Variants in PCDHGA12 observed in about 807,000 individuals in gnomAD.
PCDHGA12 encodes protocadherin gamma subfamily A, 12, also known as protocadherin gamma-A12.
Under a neutral mutation model 61.1 loss-of-function variants are expected in PCDHGA12, and 43 were observed. That is an observed-to-expected ratio of 0.70 (90% CI 0.55 to 0.91). The LOEUF (loss-of-function observed/expected upper bound fraction) is 0.91. PCDHGA12 is among the 40% of genes least tolerant of loss of function. The pLI is 0.00. For missense variants in PCDHGA12, 1,236 were observed against 1,227.7 expected (o/e 1.01, Z -0.10); for synonymous variants, 520 against 542.9 (o/e 0.96, Z 0.59).
chr5:141,469,505 G>T (rs2099202987), intron 1 of PCDHGA12, among the ~76,000 whole-genome samples: 1 of 152,138 alleles, frequency 6.6e-6, no homozygotes. Flanking sequence ...AACCCGGGAG[G>T]TGGAGGTTGC....
intron 1 of PCDHGA12, chr5:141,492,023 C>T: frequency 1.8e-6 from 1 of 564,804 alleles, no homozygotes; most frequent in Non-Finnish European, 3.0e-6. Context: ...TCGGGGGTCC[C>T]GGGAGGAGGC....
rs142329128 is a variant in PCDHGA12, at chr5:141,439,495, C to T, written c.2424+6312C>T. Among the ~76,000 whole-genome samples the T allele has an allele frequency of 9.7e-4, 147 of 152,324 alleles. 1 individual carries two copies. The highest frequency in any genetic ancestry group is 3.4e-3 in the African/African-American group (140 of 41,568). ...TCAGCTTGCAAATTCCAGTGAGAAACGTCTTTCTCTCTGCTCTCAACTAAC... is the reference window on the plus strand; with the variant it reads ...TCAGCTTGCAAATTCCAGTGAGAAATGTCTTTCTCTCTGCTCTCAACTAAC... On this transcript the variant is annotated intron_variant, in intron 1 of 3. Coordinates refer to ENST00000252085, the MANE Select transcript of PCDHGA12 (RefSeq NM_003735.3).
intron 2 of PCDHGA12, among the ~76,000 whole-genome samples, chr5:141,499,576 G>C (rs2099792836): frequency 1.3e-5 from 2 of 151,790 alleles, no homozygotes; most frequent in Non-Finnish European, 2.9e-5. Context: ...TTCAACTAAT[G>C]CCTTATCTTG....
At chr5:141,505,341 A>G in intron 2 of PCDHGA12, 52 bp from the exon 3 acceptor site, 3 of 1,612,728 alleles carry the variant, frequency 1.9e-6, no homozygotes, top group Non-Finnish European at 2.5e-6. Context: ...CAGGAGGGGC[A>G]TGAGCTGTGC....
At chr5:141,463,834 A>G (rs1212299231) in intron 1 of PCDHGA12, among the ~76,000 whole-genome samples, 4 of 152,108 alleles carry the variant, frequency 2.6e-5, no homozygotes, top group East Asian at 1.9e-4. Flanking sequence ...TCCACTTCCC[A>G]GTTGTTATAG....
chr5:141,483,255 GTTTT>G (rs147039946), intron 1 of PCDHGA12, among the ~76,000 whole-genome samples: 7,425 of 152,114 alleles, frequency 0.049, 355 homozygotes, highest in African/African-American at 0.13. Context: ...ATATCATGAG[GTTTT>G]TTTGTTTTAG....
At position 141,487,147 on chromosome 5, in the gene PCDHGA12, T is replaced by C; in HGVS notation, c.2425-7660T>C. 1 of 1,614,122 alleles carries C rather than the reference T, an allele frequency of 6.2e-7. No individual in the cohort carries two copies. Among genetic ancestry groups the C allele is most frequent in the Non-Finnish European group, 8.5e-7 (1 of 1,179,952 alleles). On this transcript the variant is annotated intron_variant, in intron 1 of 3. Transcript: ENST00000252085. This position sits in a 1 kb window ranked among gnomAD's most constrained non-coding sequence, Gnocchi z 5.0. ...GTGGTAGTCCACCACTCTCTACCTC[T>C]GTTACTCTCTTAGTGTCCTTAGAGG...
intron 1 of PCDHGA12, chr5:141,441,910 G>A: frequency 2.9e-6 from 1 of 349,440 alleles, no homozygotes; most frequent in Non-Finnish European, 5.5e-6. Flanking sequence ...AGACGCAGAT[G>A]TGAGACACAA....
At chr5:141,498,372 C>A (rs1008996197) in intron 2 of PCDHGA12, among the ~76,000 whole-genome samples, 3 of 151,730 alleles carry the variant, frequency 2.0e-5, no homozygotes, top group Admixed American at 1.3e-4. Flanking sequence ...GTGGTGAGGC[C>A]TCCTGGGATC....
At chr5:141,439,531 G>A (rs1474855779) in intron 1 of PCDHGA12, among the ~76,000 whole-genome samples, 5 of 152,126 alleles carry the variant, frequency 3.3e-5, no homozygotes, top group Admixed American at 3.3e-4. Flanking sequence ...TCTACAGAAC[G>A]CTGTCCTCTC....
chr5:141,451,797 C>T (rs1207473455), intron 1 of PCDHGA12, among the ~76,000 whole-genome samples: 1 of 152,006 alleles, frequency 6.6e-6, no homozygotes, highest in African/African-American at 2.4e-5. Context: ...CAGAGAATTG[C>T]TTGAACCCAG....
chr5:141,437,715 C>T (rs2097903335), intron 1 of PCDHGA12, among the ~76,000 whole-genome samples: 1 of 151,772 alleles, frequency 6.6e-6, no homozygotes, highest in Non-Finnish European at 1.5e-5. Context: ...ACACAGTTAC[C>T]CTCTAATGTT....
intron 1 of PCDHGA12, among the ~76,000 whole-genome samples, chr5:141,461,764 C>T (rs1005862192): frequency 6.6e-6 from 1 of 152,118 alleles, no homozygotes; most frequent in East Asian, 1.9e-4. Context: ...AGCGATTCTC[C>T]TGCCTCAGCC....
chr5:141,465,454 T>G (rs1031876441), intron 1 of PCDHGA12, among the ~76,000 whole-genome samples: 1 of 152,184 alleles, frequency 6.6e-6, no homozygotes, highest in African/African-American at 2.4e-5. Context: ...AAGAAAACTC[T>G]CACCAAATTG....
chr5:141,439,363 A>G (rs922889903), intron 1 of PCDHGA12, among the ~76,000 whole-genome samples: 2 of 152,208 alleles, frequency 1.3e-5, no homozygotes, highest in African/African-American at 2.4e-5. Context: ...TCAAACATCA[A>G]GAAGAAATAA....
intron 1 of PCDHGA12, among the ~76,000 whole-genome samples, chr5:141,463,618 T>G (rs2099065558): frequency 6.6e-6 from 1 of 151,792 alleles, no homozygotes; most frequent in African/African-American, 2.4e-5. Context: ...CCGGCTAATT[T>G]TTTGTATTTT....
intron 1 of PCDHGA12, among the ~76,000 whole-genome samples, chr5:141,465,140 G>A (rs1019369475): frequency 5.3e-5 from 8 of 151,554 alleles, no homozygotes; most frequent in Non-Finnish European, 7.4e-5. Context: ...AAGTTTAGGG[G>A]ATATATGAAG....
chr5:141,489,151 A>G lies in PCDHGA12; in HGVS notation c.2425-5656A>G. On this transcript the variant is annotated intron_variant, in intron 1 of 3. Transcript: ENST00000252085. This position sits in a 1 kb window ranked among gnomAD's most constrained non-coding sequence, Gnocchi z 4.5. ...TTTTTAAGAGGCTGGAAGGAGACAT[A>G]AGAGACTTCAGCTGCTGCATTCCAA... is the stretch of plus-strand genomic sequence containing the variant. The G allele has an allele frequency of 4.3e-6, 4 of 932,968 alleles. No individual in the cohort carries two copies. Among genetic ancestry groups the G allele is most frequent in the Non-Finnish European group, 6.4e-6 (4 of 622,052 alleles). 57.8% of individuals were successfully genotyped at this position (932,968 alleles called of 1,614,324 possible).
rs774071540 is a variant in PCDHGA12, at chr5:141,511,042, G to A, written c.2668G>A (p.Asp890Asn). 8 of 1,614,064 alleles carry A rather than the reference G, an allele frequency of 5.0e-6. No homozygotes were observed. Among genetic ancestry groups the A allele is most frequent in the Non-Finnish European group, 6.8e-6 (8 of 1,180,016 alleles). Residue 890 changes from aspartate to asparagine, a missense_variant, in exon 4 of 4, where the codon GAC becomes AAC. Physicochemically the swap from Asp to Asn is conservative, Grantham distance 23. Coordinates refer to ENST00000252085, the MANE Select transcript of PCDHGA12 (RefSeq NM_003735.3). Reference sequence around the variant, plus strand: ...CCAGTTCACCCTGCAGCACGTGCCCGACTACCGCCAGAATGTCTACATCCC... The same window carrying A: ...CCAGTTCACCCTGCAGCACGTGCCCAACTACCGCCAGAATGTCTACATCCC... ...GPQFTLQHVPDYRQNVYIPGS... is the reference protein window; with the variant it reads ...GPQFTLQHVPNYRQNVYIPGS...
Sources: gnomAD v4.1 joint callset for allele counts (sites outside exome capture counted in the v4.1 genomes callset) on GRCh38, gnomAD v4.1.1 for gene constraint, Gnocchi (gnomAD v3.1) non-coding constraint, MANE v1.5 for transcripts, NCBI Gene and HGNC (gene_info 2026-07-23, HGNC 2026-07-21) for gene names.